USP25: variants seen among roughly 807,000 people sequenced by gnomAD.
USP25 encodes ubiquitin carboxyl-terminal hydrolase 25.
USP25 carries 85 observed loss-of-function variants against 158.5 expected under a neutral mutation model. The observed-to-expected ratio is 0.54, with a 90% CI of 0.45 to 0.64. The LOEUF (loss-of-function observed/expected upper bound fraction) is 0.64, where lower values mean the gene tolerates loss of function less well. Ranked by LOEUF, USP25 falls within the 30% of genes least tolerant of loss-of-function variation. The probability of loss-of-function intolerance (pLI) is 0.00; values close to 1 mark genes in which losing one functional copy is unlikely to be tolerated. For missense variants in USP25, 1,242 were observed against 1,327.3 expected (o/e 0.94, Z 1.00); for synonymous variants, 464 against 460.4 (o/e 1.01, Z -0.10).
chr21:15,758,695 C>T (rs946377360), intron 1 of USP25, among the ~76,000 whole-genome samples: 2 of 152,272 alleles, frequency 1.3e-5, no homozygotes, highest in East Asian at 3.9e-4. Flanking sequence ...CACAGTTCCA[C>T]ATTGTCAGAG....
intron 10 of USP25, among the ~76,000 whole-genome samples, chr21:15,820,778 A>G (rs1222343741): frequency 1.3e-5 from 2 of 151,898 alleles, no homozygotes; most frequent in Admixed American, 6.6e-5. Context: ...TTTTTCCTCA[A>G]TCTATTAAAA....
At chr21:15,759,360 G>T (rs1215404880) in intron 1 of USP25, among the ~76,000 whole-genome samples, 1 of 152,128 alleles carries the variant, frequency 6.6e-6, no homozygotes, top group Non-Finnish European at 1.5e-5. Flanking sequence ...GGTTAAGTAC[G>T]TGCCTGTGAC....
chr21:15,834,144 A>C (rs1251403348), intron 17 of USP25, among the ~76,000 whole-genome samples: 2 of 152,252 alleles, frequency 1.3e-5, no homozygotes, highest in Non-Finnish European at 2.9e-5. Context: ...ATGCATAAAC[A>C]TATAAATATT....
chr21:15,787,294 A>G (rs1454516775), intron 4 of USP25, among the ~76,000 whole-genome samples: 1 of 152,194 alleles, frequency 6.6e-6, no homozygotes, highest in African/African-American at 2.4e-5. Flanking sequence ...CCAAATAGCC[A>G]AAGCAAGCCT....
chr21:15,841,938 C>A (rs1355455906), intron 17 of USP25, among the ~76,000 whole-genome samples: 30 of 152,070 alleles, frequency 2.0e-4, no homozygotes, highest in Admixed American at 2.0e-3. Context: ...GCTACTGGGG[C>A]AAGTACAGAA....
intron 19 of USP25, among the ~76,000 whole-genome samples, chr21:15,848,713 CAT>C (rs2038744805): frequency 6.6e-6 from 1 of 151,978 alleles, no homozygotes; most frequent in African/African-American, 2.4e-5. Context: ...GTCATAAAGA[CAT>C]ATCACTGTAC....
intron 1 of USP25, among the ~76,000 whole-genome samples, chr21:15,753,208 T>C (rs946570709): frequency 4.6e-5 from 7 of 152,144 alleles, no homozygotes; most frequent in South Asian, 2.1e-4. Flanking sequence ...TCACGTGTTA[T>C]GGTAATGAAG....
At chr21:15,734,701 A>G (rs1242401119) in intron 1 of USP25, among the ~76,000 whole-genome samples, 2 of 152,238 alleles carry the variant, frequency 1.3e-5, no homozygotes, top group South Asian at 2.1e-4. Flanking sequence ...TGCTACTACA[A>G]TTTATGTTAG....
rs2037901785 is a variant in USP25 at position 15,833,291 on chromosome 21, T to C, written c.1994-57T>C. The C allele has an allele frequency of 1.2e-5, 18 of 1,511,438 alleles. No individual in the cohort carries two copies. In the South Asian group the frequency reaches 2.2e-4, roughly 18 times the overall value. 93.6% of individuals were successfully genotyped at this position (1,511,438 alleles called of 1,614,324 possible). Reference sequence around the variant, plus strand: ...ATTTGAAATGCAGTCTATTTTGAGCTTTGCATTTTCCCTTTAATTCTTAAT... The same window carrying C: ...ATTTGAAATGCAGTCTATTTTGAGCCTTGCATTTTCCCTTTAATTCTTAAT... On this transcript the variant is annotated intron_variant, in intron 16 of 25. Transcript: ENST00000400183.
chr21:15,795,551 G>A (rs192959539), intron 5 of USP25, among the ~76,000 whole-genome samples: 2 of 151,436 alleles, frequency 1.3e-5, no homozygotes, highest in African/African-American at 2.4e-5. Context: ...ATGATCACTC[G>A]CTTTCTAAAA....
chr21:15,866,053 T>A (rs1194548413), intron 21 of USP25, among the ~76,000 whole-genome samples: 1 of 152,066 alleles, frequency 6.6e-6, no homozygotes, highest in Non-Finnish European at 1.5e-5. Flanking sequence ...CACAGTAAAT[T>A]TGAATTAGAA....
At chr21:15,767,587 A>G (rs2034114210) in intron 3 of USP25, among the ~76,000 whole-genome samples, 1 of 152,120 alleles carries the variant, frequency 6.6e-6, no homozygotes, top group African/African-American at 2.4e-5. Context: ...AAGTTGAAAG[A>G]GAAGTGGTAT....
At chr21:15,847,069 A>G (rs561810416) in intron 18 of USP25, among the ~76,000 whole-genome samples, 4 of 152,328 alleles carry the variant, frequency 2.6e-5, no homozygotes, top group South Asian at 2.1e-4. Flanking sequence ...GCTGTATATA[A>G]TAAGTTAAAC....
chr21:15,846,139 T>C (rs1667960601), intron 18 of USP25, among the ~76,000 whole-genome samples: 1 of 57,450 alleles, frequency 1.7e-5, no homozygotes. Context: ...TATATATATA[T>C]ATATATATAT....
At chr21:15,809,322 A>T (rs1165383387) in intron 8 of USP25, among the ~76,000 whole-genome samples, 1 of 152,162 alleles carries the variant, frequency 6.6e-6, no homozygotes, top group Non-Finnish European at 1.5e-5. Flanking sequence ...AGTGAAAATT[A>T]TACTGTGTCT....
chr21:15,815,564 C>T (rs974771007), intron 9 of USP25, among the ~76,000 whole-genome samples: 1 of 152,162 alleles, frequency 6.6e-6, no homozygotes, highest in African/African-American at 2.4e-5. Context: ...TCAGTGTGAC[C>T]TGGATGTGAG....
intron 21 of USP25, among the ~76,000 whole-genome samples, chr21:15,865,038 A>G (rs894551515): frequency 6.6e-5 from 10 of 152,164 alleles, no homozygotes; most frequent in African/African-American, 2.2e-4. Context: ...CTCTGGAAAG[A>G]GAAAATATTC....
At chr21:15,857,754 A>G (rs1301490659) in intron 20 of USP25, among the ~76,000 whole-genome samples, 6 of 151,850 alleles carry the variant, frequency 4.0e-5, no homozygotes, top group African/African-American at 9.7e-5. Context: ...CTTTTTATAG[A>G]TTTGGTCCTG....
chr21:15,830,522 T>G lies in USP25; in HGVS notation c.1694-9T>G. 6.2e-7 allele frequency: 1 copy of G among 1,600,504 alleles called. No homozygotes were observed. Among genetic ancestry groups the G allele is most frequent in the Non-Finnish European group, 8.5e-7 (1 of 1,173,770 alleles). On this transcript the variant is annotated splice_polypyrimidine_tract_variant and intron_variant, in intron 14 of 25. Transcript: ENST00000400183. ...CTGTTAATCATTAAATGACACCTTA[T>G]ATCCTTAGATTTGCAGGAAAGCATA...
Sources: allele counts gnomAD v4.1 joint callset (sites outside exome capture counted in the v4.1 genomes callset), GRCh38; gene constraint gnomAD v4.1.1; transcripts MANE v1.5; gene names NCBI Gene and HGNC (gene_info 2026-07-23, HGNC 2026-07-21).